The following LARP1 variants were observed in gnomAD, a reference collection of about 807,000 sequenced individuals.
The protein encoded by LARP1 is la-related protein 1.
LARP1 carries 36 observed loss-of-function variants against 122.7 expected under a neutral mutation model. That is an observed-to-expected ratio of 0.29 (90% CI 0.22 to 0.39). LARP1 has a LOEUF of 0.39. Ranked by LOEUF, LARP1 falls within the 10% of genes least tolerant of loss-of-function variation. LARP1 has a pLI of 1.00. For missense variants in LARP1, 1,040 were observed against 1,403.6 expected (o/e 0.74, Z 4.14); for synonymous variants, 539 against 528.7 (o/e 1.02, Z -0.27).
At chr5:154,696,890 G>A (rs1754491353) in intron 1 of LARP1, among the ~76,000 whole-genome samples, 1 of 152,072 alleles carries the variant, frequency 6.6e-6, no homozygotes. Flanking sequence ...TGGATATTGG[G>A]GGAATGCACA....
chr5:154,792,840 A>G (rs1373402583), intron 4 of LARP1, 44 bp downstream of exon 4: 1 of 1,593,462 alleles, frequency 6.3e-7, no homozygotes, highest in African/African-American at 1.3e-5. Context: ...GGCAGGGTAG[A>G]ACTGTGAAAT....
chr5:154,695,409 A>G (rs184102062), intron 1 of LARP1, among the ~76,000 whole-genome samples: 21 of 151,900 alleles, frequency 1.4e-4, no homozygotes, highest in African/African-American at 4.8e-4. Context: ...TGTAAATCCC[A>G]GTACTTTGGG....
At chr5:154,714,383 A>G (rs1023546900) in intron 1 of LARP1, among the ~76,000 whole-genome samples, 1 of 152,176 alleles carries the variant, frequency 6.6e-6, no homozygotes, top group African/African-American at 2.4e-5. Context: ...ATTTACTGGG[A>G]CTTTTTGAAA....
In LARP1 at chr5:154,755,471, G is replaced by C; in HGVS notation, c.-287G>C. The C allele has an allele frequency of 1.2e-6, 1 of 867,312 alleles. No homozygotes were observed. The highest frequency in any genetic ancestry group is 1.4e-6 in the Non-Finnish European group (1 of 721,110). 53.7% of individuals were successfully genotyped at this position (867,312 alleles called of 1,614,324 possible). A position where few individuals can be genotyped will look rare whatever the true frequency, so the allele number is the denominator to read the frequency against. ...GGACTAGAAGCCTGCCGGGCTCGGG[G>C]TGGGGGCGTCTTGCGAGGAACGGGC... On this transcript the variant is annotated 5_prime_UTR_variant, in exon 1 of 19. Transcript: ENST00000518297.
At chr5:154,695,344 A>G (rs1200644881) in intron 1 of LARP1, among the ~76,000 whole-genome samples, 2 of 151,938 alleles carry the variant, frequency 1.3e-5, no homozygotes, top group African/African-American at 4.8e-5. Context: ...GCACTTCTTC[A>G]GTGCTCTAAT....
intron 1 of LARP1, among the ~76,000 whole-genome samples, chr5:154,715,003 C>G (rs1755411914): frequency 6.6e-6 from 1 of 151,942 alleles, no homozygotes; most frequent in South Asian, 2.1e-4. Context: ...CATGGTGAAA[C>G]TCCGTCTCTA....
chr5:154,813,917 CGA>C lies in LARP1; in HGVS notation c.3113_3114del (p.Arg1038ProfsTer11). 6.2e-7 allele frequency: 1 copy of C among 1,614,044 alleles called. No homozygotes were observed. The highest frequency in any genetic ancestry group is 8.5e-7 in the Non-Finnish European group (1 of 1,179,994). ...PPMGEEGNHKRHSVVAGGGGG... is the reference protein window; with the variant it reads ...PPMGEEGNHKXHSVVAGGGGG... ...CATGGGTGAGGAGGGCAACCACAAG[CGA>C]CACTCAGTGGTAGCAGGAGGTGGCG... On this transcript the variant is annotated frameshift_variant, in exon 19 of 19. Coordinates refer to ENST00000518297, the MANE Select transcript of LARP1 (RefSeq NM_033551.3). LOFTEE classifies it high-confidence loss of function.
chr5:154,798,427 A>C (rs1758062670), intron 8 of LARP1, among the ~76,000 whole-genome samples: 1 of 152,244 alleles, frequency 6.6e-6, no homozygotes. Context: ...AGCAGTATAT[A>C]ATAGAAAGAT....
At chr5:154,683,249 C>A (rs1582128265) in intron 1 of LARP1, among the ~76,000 whole-genome samples, 1 of 152,236 alleles carries the variant, frequency 6.6e-6, no homozygotes, top group East Asian at 1.9e-4. Context: ...CAAATTAATA[C>A]CTAACATTAG....
intron 1 of LARP1, among the ~76,000 whole-genome samples, chr5:154,702,030 T>C (rs1443346584): frequency 6.6e-6 from 1 of 152,132 alleles, no homozygotes; most frequent in African/African-American, 2.4e-5. Context: ...GATTGAGTGA[T>C]GGAGACAGGG....
intron 1 of LARP1, among the ~76,000 whole-genome samples, chr5:154,779,933 C>A (rs1216355054): frequency 1.3e-5 from 2 of 152,108 alleles, no homozygotes; most frequent in African/African-American, 4.8e-5. Flanking sequence ...TCATAGCATC[C>A]CAGGGCTTAA....
At chr5:154,799,532 C>G (rs1758173655) in intron 8 of LARP1, 59 bp from the exon 9 acceptor site, 3 of 1,582,140 alleles carry the variant, frequency 1.9e-6, no homozygotes, top group Admixed American at 3.4e-5. Flanking sequence ...CTACCATTTC[C>G]AAGATCTTTC....
At position 154,793,708 on chromosome 5, in the gene LARP1, C is replaced by G. The variant is rs761026821; in HGVS notation, c.853C>G (p.Arg285Gly). ...GGAGCCTAGACACATACCTGCCAAT[C>G]GCGGAGAGATCAAAGGTATGCACTA... ...PPEPRHIPAN[R>G]GEIKGSESAT... is the part of the protein sequence containing the mutation. The change falls in exon 5 of 19, where the codon CGC becomes GGC. Residue 285 changes from arginine to glycine, a missense_variant. By Grantham distance (125) the Arg-to-Gly change is moderately radical. Around this residue, in one of 8 missense-constraint regions of LARP1, gnomAD observed 178 missense variants for 178.3 expected, o/e 1.00. Transcript: ENST00000518297. 1 of 1,614,184 alleles carries G rather than the reference C, an allele frequency of 6.2e-7. No homozygotes were observed. Among genetic ancestry groups the G allele is most frequent in the Non-Finnish European group, 8.5e-7 (1 of 1,180,018 alleles).
At chr5:154,683,824 G>A (rs937430700) in intron 1 of LARP1, among the ~76,000 whole-genome samples, 1 of 152,228 alleles carries the variant, frequency 6.6e-6, no homozygotes, top group African/African-American at 2.4e-5. Context: ...TGTGAAAAGT[G>A]TGTTCCAGAA....
intron 1 of LARP1, among the ~76,000 whole-genome samples, chr5:154,706,517 G>A (rs1259655793): frequency 6.6e-6 from 1 of 151,742 alleles, no homozygotes; most frequent in Admixed American, 6.6e-5. Context: ...GAGTACATAG[G>A]GCCTCAAAGA....
chr5:154,722,048 AG>A (rs1216037695), intron 1 of LARP1, among the ~76,000 whole-genome samples: 8 of 152,130 alleles, frequency 5.3e-5, no homozygotes, highest in Non-Finnish European at 4.4e-5. Flanking sequence ...TTTCTCTAAC[AG>A]CCCCCAATTT....
intron 1 of LARP1, among the ~76,000 whole-genome samples, chr5:154,749,166 G>C (rs1352766448): frequency 6.6e-6 from 1 of 152,182 alleles, no homozygotes; most frequent in Non-Finnish European, 1.5e-5. Context: ...CCAGAGAGCT[G>C]ACACAGGCAA....
intron 1 of LARP1, among the ~76,000 whole-genome samples, chr5:154,717,143 T>G (rs1755558021): frequency 6.6e-6 from 1 of 151,990 alleles, no homozygotes. Context: ...TAACATGTCT[T>G]TAAAAACCAG....
In LARP1 at chr5:154,804,208, G is replaced by A; in HGVS notation, c.2447G>A (p.Arg816Gln). The A allele has an allele frequency of 6.2e-7, 1 of 1,614,012 alleles. No homozygotes were observed. Among genetic ancestry groups the A allele is most frequent in the Non-Finnish European group, 8.5e-7 (1 of 1,179,898 alleles). ...EGRTLDAKMP[R>Q]KRKTRHSSNP... ...CTGGGCTAACCTTTGCAGATGCCTC[G>A]AAAAAGAAAGACAAGACACAGTTCA... Residue 816 changes from arginine to glutamine, a missense_variant, in exon 14 of 19, where the codon CGA (arginine) becomes CAA (glutamine). By Grantham distance (43) the Arg-to-Gln change is conservative. Transcript: ENST00000518297.
Sources: gnomAD v4.1 joint callset for allele counts (sites outside exome capture counted in the v4.1 genomes callset) on GRCh38, gnomAD v4.1.1 for gene constraint, gnomAD v4.1.1 regional missense constraint, MANE v1.5 for transcripts, NCBI Gene and HGNC (gene_info 2026-07-23, HGNC 2026-07-21) for gene names.